Variants in CDH18 observed in about 807,000 individuals in gnomAD.
The protein encoded by CDH18 is cadherin 18.
CDH18 carries 31 observed loss-of-function variants against 67.9 expected under a neutral mutation model. The ratio of observed to expected loss-of-function variants is 0.46; its 90% CI spans 0.34 to 0.62. CDH18 has a LOEUF of 0.62. CDH18 is among the 20% of genes least tolerant of loss of function. CDH18 has a pLI of 0.01. For synonymous variants in CDH18, 362 were observed against 347.2 expected (o/e 1.04, Z -0.48); for missense variants, 890 against 975.5 (o/e 0.91, Z 1.17).
intron 5 of CDH18, among the ~76,000 whole-genome samples, chr5:19,687,138 T>C (rs1580870172): frequency 6.6e-6 from 1 of 152,162 alleles, no homozygotes; most frequent in East Asian, 1.9e-4. Context: ...GTGGAGCAGT[T>C]CCAGACGTGG....
chr5:19,509,633 G>A (rs77015212), intron 10 of CDH18, among the ~76,000 whole-genome samples: 1,664 of 152,198 alleles, frequency 0.011, 17 homozygotes, highest in South Asian at 0.031. Flanking sequence ...GTTAATAATT[G>A]TATGTGGTGG....
chr5:20,000,402 A>G lies in CDH18; in HGVS notation c.-517-8388T>C, dbSNP rs750957055. On this transcript the variant is annotated intron_variant, in intron 2 of 14. Transcript: ENST00000507958. Reference sequence around the variant, plus strand: ...CAAATTGGAGACATTTAGAGAAAGGATTACACATAACATAGTGGAGCTAAA... The same window carrying G: ...CAAATTGGAGACATTTAGAGAAAGGGTTACACATAACATAGTGGAGCTAAA... 8.3e-4 allele frequency among the ~76,000 whole-genome samples: 127 copies of G among 152,340 alleles called. 1 individual carries two copies. The highest frequency in any genetic ancestry group is 6.8e-3 in the Middle Eastern group (2 of 294).
chr5:20,247,086 T>C (rs116394029), intron 2 of CDH18, among the ~76,000 whole-genome samples: 2 of 152,174 alleles, frequency 1.3e-5, no homozygotes, highest in Non-Finnish European at 2.9e-5. Context: ...TCATTCACAA[T>C]TAATGCCTTC....
At chr5:20,274,027 A>C (rs1359805773) in intron 1 of CDH18, among the ~76,000 whole-genome samples, 1 of 152,182 alleles carries the variant, frequency 6.6e-6, no homozygotes, top group African/African-American at 2.4e-5. Context: ...AAACGGAGAC[A>C]AAACATTATG....
At chr5:20,135,515 A>G (rs1019177851) in intron 2 of CDH18, among the ~76,000 whole-genome samples, 2 of 151,702 alleles carry the variant, frequency 1.3e-5, no homozygotes, top group South Asian at 2.1e-4. Flanking sequence ...TGCTCTATCA[A>G]TTTTGTTGAT....
chr5:20,422,217 T>C (rs1334446170), intron 1 of CDH18, among the ~76,000 whole-genome samples: 1 of 151,116 alleles, frequency 6.6e-6, no homozygotes, highest in Non-Finnish European at 1.5e-5. Flanking sequence ...TTTTAACTTT[T>C]TTGTAACATA....
At chr5:20,447,965 C>T (rs1017158376) in intron 1 of CDH18, among the ~76,000 whole-genome samples, 1 of 151,930 alleles carries the variant, frequency 6.6e-6, no homozygotes, top group African/African-American at 2.4e-5. Context: ...AGGTTTGTTA[C>T]ATATGTATAC....
chr5:19,829,255 A>G (rs1056621168), intron 3 of CDH18, among the ~76,000 whole-genome samples: 18 of 152,156 alleles, frequency 1.2e-4, no homozygotes, highest in Non-Finnish European at 2.6e-4. Flanking sequence ...CCAAATAGAA[A>G]GAGAGGAAGT....
chr5:19,928,173 T>G (rs1406984711), intron 2 of CDH18, among the ~76,000 whole-genome samples: 3 of 152,146 alleles, frequency 2.0e-5, no homozygotes, highest in Non-Finnish European at 1.5e-5. Context: ...TGGCTTTCAA[T>G]GGCTGCAGTC....
chr5:20,208,982 CAAGAATATGAGA>C (rs1331669160), intron 2 of CDH18, among the ~76,000 whole-genome samples: 1 of 151,948 alleles, frequency 6.6e-6, no homozygotes, highest in Non-Finnish European at 1.5e-5. Flanking sequence ...CAAGTGGCAA[CAAGAATATGAGA>C]AAGTGCTCAA....
intron 3 of CDH18, among the ~76,000 whole-genome samples, chr5:19,829,269 A>T (rs1178989692): frequency 6.6e-6 from 1 of 152,122 alleles, no homozygotes; most frequent in Admixed American, 6.6e-5. Flanking sequence ...AGGAAGTCAA[A>T]CTTTTTCTGT....
chr5:19,799,784 A>G (rs1777257900), intron 3 of CDH18, among the ~76,000 whole-genome samples: 1 of 152,148 alleles, frequency 6.6e-6, no homozygotes, highest in Admixed American at 6.5e-5. Context: ...CGTATCATGC[A>G]TTATCTTTTA....
intron 3 of CDH18, among the ~76,000 whole-genome samples, chr5:19,833,884 G>T (rs866187042): frequency 6.8e-6 from 1 of 147,388 alleles, no homozygotes; most frequent in South Asian, 2.2e-4. Context: ...CTTGATTTGG[G>T]TGAGTAAGTT....
At chr5:20,440,402 C>A (rs929736040) in intron 1 of CDH18, among the ~76,000 whole-genome samples, 2 of 151,652 alleles carry the variant, frequency 1.3e-5, no homozygotes, top group African/African-American at 4.9e-5. Context: ...TGAGGTTATG[C>A]CTAAAGAAAC....
chr5:20,557,290 C>A lies in CDH18; in HGVS notation c.-580+18172G>T, dbSNP rs370398015. The stretch of plus-strand genomic sequence containing the variant: ...TCAACCAATAATTGCGTGGAGAGAT[C>A]GGCGAAAAAAATGTAAGTAAAGAAA... On this transcript the variant is annotated intron_variant, in intron 1 of 14. Coordinates refer to the CDH18 transcript ENST00000507958. 2.6e-5 allele frequency among the ~76,000 whole-genome samples: 4 copies of A among 150,956 alleles called. No individual in the cohort carries two copies. In the East Asian group the frequency reaches 7.8e-4, roughly 29 times the overall value.
At chr5:19,485,547 G>T (rs1309543605) in intron 11 of CDH18, among the ~76,000 whole-genome samples, 1 of 152,122 alleles carries the variant, frequency 6.6e-6, no homozygotes, top group African/African-American at 2.4e-5. Context: ...GAGCCACTGC[G>T]CCTGGCCAGC....
intron 2 of CDH18, among the ~76,000 whole-genome samples, chr5:19,879,767 A>C (rs1787419779): frequency 6.6e-6 from 1 of 152,056 alleles, no homozygotes. Context: ...TTGTTTAATT[A>C]GTTGTTTCTT....
chr5:20,095,480 A>AAG (rs1486437681), intron 2 of CDH18, among the ~76,000 whole-genome samples: 131 of 88,548 alleles, frequency 1.5e-3, no homozygotes, highest in African/African-American at 4.5e-3. Flanking sequence ...GGAAGGAAGG[A>AAG]GAGAGAGAGG....
intron 1 of CDH18, among the ~76,000 whole-genome samples, chr5:20,512,960 C>T (rs1755139666): frequency 6.6e-6 from 1 of 151,852 alleles, no homozygotes; most frequent in African/African-American, 2.4e-5. Flanking sequence ...TTTCTACATG[C>T]ACTCGTCAGT....
Sources: gnomAD v4.1 joint callset for allele counts (sites outside exome capture counted in the v4.1 genomes callset) on GRCh38, gnomAD v4.1.1 for gene constraint, MANE v1.5 for transcripts, NCBI Gene and HGNC (gene_info 2026-07-23, HGNC 2026-07-21) for gene names.